Variants in MDFIC2 observed in about 807,000 individuals in gnomAD.
The protein encoded by MDFIC2 is MyoD family inhibitor domain containing 2, also known as myoD family inhibitor domain-containing protein 2.
intron 2 of MDFIC2, among the ~76,000 whole-genome samples, chr3:70,248,487 A>C (rs1001438602): frequency 6.6e-6 from 1 of 152,116 alleles, no homozygotes; most frequent in African/African-American, 2.4e-5. Flanking sequence ...GAACTTGAAA[A>C]GTAGGCATAG....
intron 3 of MDFIC2, chr3:70,205,213 G>A (rs534250614): frequency 2.7e-4 from 41 of 152,150 alleles, no homozygotes; most frequent in African/African-American, 9.9e-4. Context: ...TTCAATATCT[G>A]GCAACTCTGG....
intron 2 of MDFIC2, among the ~76,000 whole-genome samples, chr3:70,304,292 T>C (rs1487659445): frequency 6.6e-6 from 1 of 152,140 alleles, no homozygotes; most frequent in Non-Finnish European, 1.5e-5. Context: ...TTTCCATTTC[T>C]CTCCCCATCA....
chr3:70,287,708 A>G (rs2106688866), intron 2 of MDFIC2, among the ~76,000 whole-genome samples: 1 of 151,954 alleles, frequency 6.6e-6, no homozygotes, highest in African/African-American at 2.4e-5. Flanking sequence ...TTGGTTGGTA[A>G]GCTATTGATT....
intron 2 of MDFIC2, among the ~76,000 whole-genome samples, chr3:70,208,179 C>T (rs761864758): frequency 1.3e-5 from 2 of 152,024 alleles, no homozygotes; most frequent in Non-Finnish European, 2.9e-5. Context: ...CAACAGTCCT[C>T]GTGGTTTGGT....
intron 2 of MDFIC2, among the ~76,000 whole-genome samples, chr3:70,261,279 G>A (rs1701863816): frequency 6.6e-6 from 1 of 152,174 alleles, no homozygotes; most frequent in Non-Finnish European, 1.5e-5. Flanking sequence ...TTTTAAGAGA[G>A]TTAGTGCAGT....
rs530180404 is a variant in MDFIC2, at chr3:70,203,010, A to G, written c.310+3559T>C. Among the ~76,000 whole-genome samples the G allele has an allele frequency of 9.8e-4, 149 of 152,160 alleles. 2 individuals are homozygous for G. The highest frequency in any genetic ancestry group is 3.5e-3 in the African/African-American group (147 of 41,512). On this transcript the variant is annotated intron_variant, in intron 3 of 3. Coordinates refer to ENST00000567252, the MANE Select transcript of MDFIC2 (RefSeq NM_001364677.1). Reference sequence around the variant, plus strand: ...TCTTGTCACCTTGGTGCCCATGATTAGGAGGTGGGAGGGATAAGAGCACCC... The same window carrying G: ...TCTTGTCACCTTGGTGCCCATGATTGGGAGGTGGGAGGGATAAGAGCACCC...
intron 2 of MDFIC2, among the ~76,000 whole-genome samples, chr3:70,284,742 T>C (rs1009464668): frequency 5.9e-5 from 9 of 152,182 alleles, no homozygotes; most frequent in East Asian, 3.9e-4. Context: ...CTGGGGCCTA[T>C]TGGAGGGTGA....
intron 2 of MDFIC2, chr3:70,272,157 T>A (rs1168435778): frequency 6.6e-6 from 1 of 152,226 alleles, no homozygotes; most frequent in Non-Finnish European, 1.5e-5. Context: ...GTATATGTAA[T>A]GTACATACAA....
At chr3:70,285,949 T>C (rs1702157845) in intron 2 of MDFIC2, among the ~76,000 whole-genome samples, 1 of 151,634 alleles carries the variant, frequency 6.6e-6, no homozygotes, top group African/African-American at 2.4e-5. Flanking sequence ...TTGTAGATTC[T>C]GGATATTAGC....
intron 2 of MDFIC2, among the ~76,000 whole-genome samples, chr3:70,290,852 C>G (rs2106692673): frequency 6.6e-6 from 1 of 152,308 alleles, no homozygotes; most frequent in East Asian, 1.9e-4. Context: ...CTTTCTTTGA[C>G]TAGGAAAGGG....
chr3:70,214,243 C>G (rs547468373), intron 2 of MDFIC2, among the ~76,000 whole-genome samples: 29 of 152,014 alleles, frequency 1.9e-4, no homozygotes, highest in Non-Finnish European at 3.5e-4. Flanking sequence ...AATGGCAGCT[C>G]TGGTTGGAAG....
At chr3:70,300,122 A>G (rs1299124648) in intron 2 of MDFIC2, among the ~76,000 whole-genome samples, 2 of 152,098 alleles carry the variant, frequency 1.3e-5, no homozygotes, top group Non-Finnish European at 2.9e-5. Context: ...CTACCTCTGA[A>G]TCGCATATCT....
chr3:70,279,706 G>A (rs746913277), intron 2 of MDFIC2, among the ~76,000 whole-genome samples: 4 of 152,178 alleles, frequency 2.6e-5, no homozygotes, highest in African/African-American at 4.8e-5. Flanking sequence ...ACACCCTGGG[G>A]TGTGGAATCA....
intron 2 of MDFIC2, among the ~76,000 whole-genome samples, chr3:70,276,203 C>T (rs927071727): frequency 6.6e-6 from 1 of 151,942 alleles, no homozygotes; most frequent in African/African-American, 2.4e-5. Context: ...AATATTTGTT[C>T]AGTGAAAAAT....
chr3:70,224,824 T>G (rs1415894441), intron 2 of MDFIC2, among the ~76,000 whole-genome samples: 1 of 151,234 alleles, frequency 6.6e-6, no homozygotes, highest in East Asian at 1.9e-4. Context: ...TTTTGCAGTT[T>G]CCCCCCCCAC....
intron 2 of MDFIC2, among the ~76,000 whole-genome samples, chr3:70,253,990 CA>C (rs1374601085): frequency 3.3e-5 from 5 of 151,642 alleles, no homozygotes; most frequent in African/African-American, 4.8e-5. Context: ...TCAGAAGATT[CA>C]AAAAAAGGGT....
At chr3:70,280,361 G>C (rs980777118) in intron 2 of MDFIC2, among the ~76,000 whole-genome samples, 1 of 152,112 alleles carries the variant, frequency 6.6e-6, no homozygotes, top group African/African-American at 2.4e-5. Context: ...AATATGTACA[G>C]GTTCCAGGAA....
intron 2 of MDFIC2, among the ~76,000 whole-genome samples, chr3:70,218,664 C>A (rs1701436051): frequency 6.6e-6 from 1 of 152,036 alleles, no homozygotes; most frequent in African/African-American, 2.4e-5. Context: ...CCCAGCAGAA[C>A]TATTCCTGAC....
At chr3:70,271,091 A>G (rs28407931) in intron 2 of MDFIC2, among the ~76,000 whole-genome samples, 22,243 of 152,192 alleles carry the variant, frequency 0.15, 1,770 homozygotes, top group East Asian at 0.22. Flanking sequence ...TAGGCCATTT[A>G]TCGAAGCTGG....
Sources: allele counts gnomAD v4.1 joint callset (sites outside exome capture counted in the v4.1 genomes callset), GRCh38; gene constraint gnomAD v4.1.1; transcripts MANE v1.5; gene names NCBI Gene and HGNC (gene_info 2026-07-23, HGNC 2026-07-21).